The following AKAP13 variants were observed in gnomAD, a reference collection of about 807,000 sequenced individuals.
AKAP13 encodes A-kinase anchoring protein 13.
Under a neutral mutation model 264.5 loss-of-function variants are expected in AKAP13, and 80 were observed. The observed-to-expected ratio is 0.30, with a 90% CI of 0.25 to 0.36. The LOEUF is 0.36. Ranked by LOEUF, AKAP13 falls within the 10% of genes least tolerant of loss-of-function variation. AKAP13 has a pLI of 1.00. For synonymous variants in AKAP13, 1,380 were observed against 1,250.2 expected (o/e 1.10, Z -2.19); for missense variants, 3,712 against 3,435.2 (o/e 1.08, Z -2.01).
chr15:85,548,131 A>G (rs1245956746), intron 5 of AKAP13, among the ~76,000 whole-genome samples: 2 of 152,176 alleles, frequency 1.3e-5, no homozygotes, highest in Non-Finnish European at 2.9e-5. Context: ...TGGATCACCC[A>G]TGTTGGGGGT....
At chr15:85,634,755 A>G (rs1480591334) in intron 8 of AKAP13, among the ~76,000 whole-genome samples, 1 of 151,616 alleles carries the variant, frequency 6.6e-6, no homozygotes, top group Non-Finnish European at 1.5e-5. Context: ...TCTGCTGATC[A>G]CTAATGTTTT....
intron 1 of AKAP13, among the ~76,000 whole-genome samples, chr15:85,446,560 A>G (rs34924687): frequency 0.25 from 38,280 of 152,108 alleles, 6,418 homozygotes; most frequent in Non-Finnish European, 0.37. Context: ...CAAAGTTGAG[A>G]GTGGTTTGCC....
intron 17 of AKAP13, among the ~76,000 whole-genome samples, chr15:85,693,881 G>C (rs1373466394): frequency 6.6e-6 from 1 of 152,198 alleles, no homozygotes; most frequent in Non-Finnish European, 1.5e-5. Flanking sequence ...TAAGTGTTTT[G>C]AGCATGTTTA....
chr15:85,488,162 G>T (rs1367302638), intron 2 of AKAP13, among the ~76,000 whole-genome samples: 1 of 152,210 alleles, frequency 6.6e-6, no homozygotes, highest in African/African-American at 2.4e-5. Flanking sequence ...TGGGATTACA[G>T]TATGAGCCAT....
rs55704204 is a variant in AKAP13 at position 85,400,874 on chromosome 15, A to ATT, written c.-12+20087_-12+20088dup. On this transcript the variant is annotated intron_variant, in intron 1 of 36. Transcript: ENST00000394518. ...TATATATATGTATATATATATATAT[A>ATT]TTTTTTTTTTTTAAACAGAGTATGT... Among the ~76,000 whole-genome samples the ATT allele has an allele frequency of 3.3e-5, 4 of 120,132 alleles. No homozygotes were observed. In the East Asian group the frequency reaches 6.2e-4, roughly 19 times the overall value. The allele number at this position is 120,132 out of a possible 152,430, so 78.8% of individuals were successfully genotyped here. A position where few individuals can be genotyped will look rare whatever the true frequency, so the allele number is the denominator to read the frequency against.
At chr15:85,680,422 T>C (rs1336103900) in intron 14 of AKAP13, among the ~76,000 whole-genome samples, 1 of 152,226 alleles carries the variant, frequency 6.6e-6, no homozygotes, top group African/African-American at 2.4e-5. Context: ...AATCTTTCCC[T>C]CTTACCTGGC....
intron 1 of AKAP13, among the ~76,000 whole-genome samples, chr15:85,474,894 C>A (rs1005111915): frequency 6.6e-6 from 1 of 152,212 alleles, no homozygotes; most frequent in Non-Finnish European, 1.5e-5. Flanking sequence ...CCCTCTGACA[C>A]TTGTGTGACT....
chr15:85,512,065 G>A (rs1014017646), intron 2 of AKAP13, among the ~76,000 whole-genome samples: 5 of 146,904 alleles, frequency 3.4e-5, no homozygotes, highest in African/African-American at 1.0e-4. Flanking sequence ...TTTCTTCGTC[G>A]CCTACACAGG....
intron 1 of AKAP13, among the ~76,000 whole-genome samples, chr15:85,445,030 T>C (rs1013243879): frequency 6.6e-5 from 10 of 152,222 alleles, no homozygotes; most frequent in Non-Finnish European, 1.5e-4. Flanking sequence ...TTAAATGAAC[T>C]GTTCCCTTCT....
chr15:85,493,105 A>G (rs1477209106), intron 2 of AKAP13, among the ~76,000 whole-genome samples: 2 of 152,340 alleles, frequency 1.3e-5, no homozygotes, highest in East Asian at 3.9e-4. Context: ...ATGTCAACAG[A>G]GAGCTCATTT....
intron 10 of AKAP13, among the ~76,000 whole-genome samples, chr15:85,648,184 C>T (rs2082645011): frequency 1.3e-5 from 2 of 152,138 alleles, no homozygotes; most frequent in Admixed American, 6.5e-5. Flanking sequence ...TCTCTAAGTT[C>T]CAGCTTTAAA....
chr15:85,583,266 A>G, intron 7 of AKAP13: 1 of 797,798 alleles, frequency 1.3e-6, no homozygotes, highest in Non-Finnish European at 1.5e-6. Flanking sequence ...GGGGAGGGTT[A>G]TGGAGAGAAA....
At chr15:85,594,510 A>T (rs963960978) in intron 8 of AKAP13, among the ~76,000 whole-genome samples, 3 of 152,254 alleles carry the variant, frequency 2.0e-5, no homozygotes, top group African/African-American at 7.2e-5. Flanking sequence ...ATGAAGATAT[A>T]TGCATTATGT....
At chr15:85,526,744 G>C (rs1170378137) in intron 3 of AKAP13, among the ~76,000 whole-genome samples, 1 of 152,096 alleles carries the variant, frequency 6.6e-6, no homozygotes, top group Non-Finnish European at 1.5e-5. Context: ...CGCCTGTCAA[G>C]GTAATCAGTT....
intron 2 of AKAP13, among the ~76,000 whole-genome samples, chr15:85,503,022 T>G (rs2076077964): frequency 6.6e-6 from 1 of 152,196 alleles, no homozygotes; most frequent in Admixed American, 6.5e-5. Flanking sequence ...ATGTTTCTAT[T>G]TACTTGGGAA....
intron 1 of AKAP13, among the ~76,000 whole-genome samples, chr15:85,420,706 T>C (rs1174509705): frequency 1.3e-5 from 2 of 152,178 alleles, no homozygotes; most frequent in African/African-American, 4.8e-5. Flanking sequence ...AGGGAAATTA[T>C]CTGAATGGGA....
intron 1 of AKAP13, among the ~76,000 whole-genome samples, chr15:85,392,078 C>G (rs908034212): frequency 1.3e-5 from 2 of 151,660 alleles, no homozygotes. Flanking sequence ...TCACCATGCC[C>G]GGCTCTATTC....
At chr15:85,477,885 C>G (rs1033646862) in intron 1 of AKAP13, among the ~76,000 whole-genome samples, 1 of 152,146 alleles carries the variant, frequency 6.6e-6, no homozygotes, top group African/African-American at 2.4e-5. Flanking sequence ...ACTCCTTCCC[C>G]ACGATCCCCT....
chr15:85,694,771 T>C (rs1412584496), intron 17 of AKAP13, among the ~76,000 whole-genome samples: 1 of 152,192 alleles, frequency 6.6e-6, no homozygotes, highest in Non-Finnish European at 1.5e-5. Context: ...GCCAGTCCAG[T>C]CACCCGGAAG....
Sources: allele counts gnomAD v4.1 joint callset (sites outside exome capture counted in the v4.1 genomes callset), GRCh38; gene constraint gnomAD v4.1.1; transcripts MANE v1.5; gene names NCBI Gene and HGNC (gene_info 2026-07-23, HGNC 2026-07-21).